Variants in NRG1 observed in about 807,000 individuals in gnomAD.
The protein encoded by NRG1 is neuregulin 1.
In NRG1, 18 loss-of-function variants were observed where a neutral mutation model predicts 63.8. That is an observed-to-expected ratio of 0.28 (90% CI 0.19 to 0.42). The LOEUF (loss-of-function observed/expected upper bound fraction) is 0.42, where lower values mean the gene tolerates loss of function less well. Ranked by LOEUF, NRG1 falls within the 10% of genes least tolerant of loss-of-function variation. The pLI is 1.00. For missense variants in NRG1, 762 were observed against 814.7 expected (o/e 0.94, Z 0.79); for synonymous variants, 302 against 301.3 (o/e 1.00, Z -0.02).
At chr8:32,728,204 T>C (rs1822738430) in intron 6 of NRG1, 126 bp downstream of exon 6, 2 of 1,504,246 alleles carry the variant, frequency 1.3e-6, no homozygotes, top group Non-Finnish European at 1.8e-6. Flanking sequence ...TGCTGTTTTA[T>C]ATGTAGAGTG....
intron 1 of NRG1, among the ~76,000 whole-genome samples, chr8:32,181,620 A>G (rs74508580): frequency 0.042 from 6,365 of 152,310 alleles, 201 homozygotes; most frequent in Middle Eastern, 0.092. Context: ...CTTTAATAAG[A>G]GATGTGCTTC....
At chr8:32,474,536 A>C (rs1356433157) in intron 1 of NRG1, among the ~76,000 whole-genome samples, 3 of 138,176 alleles carry the variant, frequency 2.2e-5, no homozygotes, top group Non-Finnish European at 4.6e-5. Flanking sequence ...CTCTGCCGCC[A>C]GGCTGGAGGG....
intron 1 of NRG1, among the ~76,000 whole-genome samples, chr8:32,082,904 T>C (rs900597178): frequency 6.6e-6 from 1 of 152,142 alleles, no homozygotes; most frequent in Admixed American, 6.5e-5. Context: ...ATAGTCACTA[T>C]AAATAAATAA....
At chr8:31,902,853 C>G (rs893363010) in intron 1 of NRG1, among the ~76,000 whole-genome samples, 9 of 152,152 alleles carry the variant, frequency 5.9e-5, no homozygotes, top group African/African-American at 2.2e-4. Context: ...TGACACTCCT[C>G]CATTGGGAGG....
At chr8:31,918,081 A>T (rs1333254683) in intron 1 of NRG1, among the ~76,000 whole-genome samples, 1 of 152,174 alleles carries the variant, frequency 6.6e-6, no homozygotes, top group East Asian at 1.9e-4. Flanking sequence ...GAAGTTGCTT[A>T]TCAGCTTAAG....
chr8:32,091,001 C>T (rs893692465), intron 1 of NRG1, among the ~76,000 whole-genome samples: 4 of 152,156 alleles, frequency 2.6e-5, no homozygotes, highest in African/African-American at 4.8e-5. Flanking sequence ...GGAATTGGGC[C>T]GGGCGCGGTG....
intron 1 of NRG1, among the ~76,000 whole-genome samples, chr8:32,197,136 T>A (rs1190837879): frequency 6.6e-6 from 1 of 151,612 alleles, no homozygotes; most frequent in Non-Finnish European, 1.5e-5. Context: ...ATTTTTGTAT[T>A]TTTTAGTACA....
intron 1 of NRG1, among the ~76,000 whole-genome samples, chr8:32,423,746 C>A (rs1816987453): frequency 6.6e-6 from 1 of 152,220 alleles, no homozygotes; most frequent in Admixed American, 6.5e-5. Flanking sequence ...CACACACAAA[C>A]ACACCATACA....
At chr8:31,829,000 G>A (rs1240745852) in intron 1 of NRG1, among the ~76,000 whole-genome samples, 2 of 152,148 alleles carry the variant, frequency 1.3e-5, no homozygotes, top group Non-Finnish European at 2.9e-5. Context: ...GCTACAATGC[G>A]GAGACAGGGC....
chr8:31,760,880 G>A (rs1817476225), intron 1 of NRG1, among the ~76,000 whole-genome samples: 1 of 152,114 alleles, frequency 6.6e-6, no homozygotes, highest in South Asian at 2.1e-4. Flanking sequence ...CAACCATTGT[G>A]GAAGTCACTG....
At chr8:32,014,259 G>A (rs2130023858) in intron 1 of NRG1, among the ~76,000 whole-genome samples, 1 of 152,132 alleles carries the variant, frequency 6.6e-6, no homozygotes, top group African/African-American at 2.4e-5. Flanking sequence ...TCCTTGAAGA[G>A]GTTCTTCACG....
chr8:32,194,590 A>G (rs1375361062), intron 1 of NRG1, among the ~76,000 whole-genome samples: 1 of 152,138 alleles, frequency 6.6e-6, no homozygotes, highest in Non-Finnish European at 1.5e-5. Flanking sequence ...TGGGAGGACA[A>G]GAATGAGGAT....
chr8:32,750,083 A>G (rs1048322584), intron 7 of NRG1, among the ~76,000 whole-genome samples: 1 of 152,240 alleles, frequency 6.6e-6, no homozygotes, highest in African/African-American at 2.4e-5. Context: ...GAAAGCCCTT[A>G]CGTTACAACA....
intron 1 of NRG1, among the ~76,000 whole-genome samples, chr8:32,412,036 T>A (rs1226709958): frequency 6.6e-6 from 1 of 152,060 alleles, no homozygotes; most frequent in African/African-American, 2.4e-5. Context: ...ACATTTGAAC[T>A]GGTAGATTGA....
At chr8:32,361,883 C>T (rs2129481478) in intron 1 of NRG1, among the ~76,000 whole-genome samples, 1 of 152,284 alleles carries the variant, frequency 6.6e-6, no homozygotes, top group East Asian at 1.9e-4. Context: ...CTGCTTCCAG[C>T]TCTTCTGCTT....
chr8:32,101,741 C>T (rs1830609554), intron 1 of NRG1, among the ~76,000 whole-genome samples: 1 of 152,130 alleles, frequency 6.6e-6, no homozygotes, highest in Non-Finnish European at 1.5e-5. Context: ...ACAAAACAAA[C>T]TAAAACCCCA....
intron 1 of NRG1, among the ~76,000 whole-genome samples, chr8:32,159,743 T>C (rs1563853883): frequency 1.3e-5 from 2 of 151,964 alleles, no homozygotes; most frequent in Non-Finnish European, 2.9e-5. Flanking sequence ...GGGAAGGAGG[T>C]AAATTAATCT....
chr8:31,972,121 C>T (rs1281411947), intron 1 of NRG1, among the ~76,000 whole-genome samples: 4 of 152,178 alleles, frequency 2.6e-5, no homozygotes, highest in African/African-American at 9.7e-5. Flanking sequence ...ATTTGCCACA[C>T]TATGCCAGTG....
At chr8:31,795,106 A>G (rs1000032263) in intron 1 of NRG1, among the ~76,000 whole-genome samples, 4 of 152,074 alleles carry the variant, frequency 2.6e-5, no homozygotes, top group Admixed American at 2.0e-4. Flanking sequence ...CCCAGCCTGT[A>G]ATATATTTCA....
Sources: gnomAD v4.1 joint callset for allele counts (sites outside exome capture counted in the v4.1 genomes callset) on GRCh38, gnomAD v4.1.1 for gene constraint, MANE v1.5 for transcripts, NCBI Gene and HGNC (gene_info 2026-07-23, HGNC 2026-07-21) for gene names.